Variants in HNF4A observed in about 807,000 individuals in gnomAD.
HNF4A encodes the protein hepatocyte nuclear factor 4 alpha, also known as hepatocyte nuclear factor 4-alpha.
Under a neutral mutation model 52.4 loss-of-function variants are expected in HNF4A, and 15 were observed. The ratio of observed to expected loss-of-function variants is 0.29; its 90% CI spans 0.19 to 0.44. The LOEUF (loss-of-function observed/expected upper bound fraction) is 0.44, where lower values mean the gene tolerates loss of function less well. HNF4A is among the 20% of genes least tolerant of loss of function. The pLI is 1.00. For missense variants in HNF4A, 479 were observed against 647.2 expected (o/e 0.74, Z 2.82); for synonymous variants, 280 against 264.4 (o/e 1.06, Z -0.57).
At chr20:44,403,095 A>G (rs1048659353) in intron 1 of HNF4A, among the ~76,000 whole-genome samples, 1 of 152,156 alleles carries the variant, frequency 6.6e-6, no homozygotes, top group Non-Finnish European at 1.5e-5. Flanking sequence ...CACTAGGTGG[A>G]GTGTTGTGTG....
At chr20:44,422,313 T>G (rs2063757710) in intron 7 of HNF4A, among the ~76,000 whole-genome samples, 1 of 152,152 alleles carries the variant, frequency 6.6e-6, no homozygotes, top group South Asian at 2.1e-4. Flanking sequence ...GAAGGATCAC[T>G]GATGCTGAGT....
In HNF4A at chr20:44,430,589, G is replaced by C. The variant is rs2063866675; in HGVS notation, c.*924G>C. 1 of 152,400 alleles carries C rather than the reference G, an allele frequency of 6.6e-6. No individual in the cohort carries two copies. The allele number at this position is 152,400 out of a possible 1,614,324, so 9.4% of individuals were successfully genotyped here. A position where few individuals can be genotyped will look rare whatever the true frequency, so the allele number is the denominator to read the frequency against. On this transcript the variant is annotated 3_prime_UTR_variant, in exon 10 of 10. Transcript: ENST00000316099. ...AAGGCCTAGTGGTAGTAAGAATCTA[G>C]CAAGAATTGAGGAAGAATGGTGTGG...
intron 5 of HNF4A, among the ~76,000 whole-genome samples, chr20:44,418,116 A>T (rs546566810): frequency 6.6e-6 from 1 of 152,184 alleles, no homozygotes; most frequent in Admixed American, 6.5e-5. Context: ...AAAGAAAAAA[A>T]AAGCACACAG....
At chr20:44,387,528 TA>T (rs948508290) in intron 1 of HNF4A, among the ~76,000 whole-genome samples, 3 of 150,408 alleles carry the variant, frequency 2.0e-5, no homozygotes, top group African/African-American at 7.4e-5. Flanking sequence ...TAGGAAGTCA[TA>T]AAAATTTAAG....
chr20:44,405,584 G>A (rs1318454717), intron 1 of HNF4A, among the ~76,000 whole-genome samples: 1 of 152,114 alleles, frequency 6.6e-6, no homozygotes, highest in Non-Finnish European at 1.5e-5. Context: ...GACTGTTCTC[G>A]GCCCAAGTCT....
chr20:44,421,979 T>A (rs1229724523), intron 7 of HNF4A, among the ~76,000 whole-genome samples: 2 of 151,584 alleles, frequency 1.3e-5, no homozygotes, highest in African/African-American at 4.8e-5. Context: ...TTAAACACTT[T>A]ATGTGGATTG....
At chr20:44,423,974 G>A in intron 7 of HNF4A, 44 bp from the exon 8 acceptor site, 1 of 1,599,234 alleles carries the variant, frequency 6.3e-7, no homozygotes. Context: ...AGATGCTCCA[G>A]CTGGACCCTG....
At position 44,432,646 on chromosome 20, in the gene HNF4A, CA is replaced by C. The variant is rs2063892244; in HGVS notation, c.*2983del. On this transcript the variant is annotated 3_prime_UTR_variant, in exon 10 of 10. Coordinates refer to ENST00000316099, the MANE Select transcript of HNF4A (RefSeq NM_000457.6). ...TTAAGATGAATTGTGAAATTTACAT[CA>C]AGCAATTATCAAAGCGGGCTGGGTC... The C allele has an allele frequency of 6.6e-6, 1 of 152,108 alleles. No homozygotes were observed. The highest frequency in any genetic ancestry group is 2.1e-4 in the South Asian group (1 of 4,820). 9.4% of individuals were successfully genotyped at this position (152,108 alleles called of 1,614,324 possible).
At chr20:44,416,194 C>T (rs2063662164) in intron 5 of HNF4A, among the ~76,000 whole-genome samples, 1 of 152,206 alleles carries the variant, frequency 6.6e-6, no homozygotes, top group Admixed American at 6.5e-5. Context: ...CAGAAGGGTT[C>T]CCAGCTCCCC....
At position 44,386,802 on chromosome 20, in the gene HNF4A, A is replaced by T. The variant is rs2063229927; in HGVS notation, c.50-19256A>T. 2.0e-5 allele frequency among the ~76,000 whole-genome samples: 3 copies of T among 152,240 alleles called. No individual in the cohort carries two copies. In the South Asian group the frequency reaches 6.2e-4, roughly 32 times the overall value. On this transcript the variant is annotated intron_variant, in intron 1 of 9. Transcript: ENST00000316673. ...CAAGAAACCCTGGTTAGCCATTAAG[A>T]GTTTGAACCTTTCTAAATGTTGGAG...
upstream of HNF4A, among the ~76,000 whole-genome samples, chr20:44,398,536 G>A (rs932540364): frequency 3.3e-5 from 5 of 152,192 alleles, no homozygotes; most frequent in East Asian, 1.9e-4. Context: ...ACTGTTTGGC[G>A]TTGGCTAAGG....
At chr20:44,375,436 T>A (rs555339176) in intron 1 of HNF4A, among the ~76,000 whole-genome samples, 23 of 152,236 alleles carry the variant, frequency 1.5e-4, no homozygotes, top group African/African-American at 5.5e-4. Flanking sequence ...CAATTTTTGG[T>A]TTTGTTGCGA....
intron 1 of HNF4A, among the ~76,000 whole-genome samples, chr20:44,379,028 T>C (rs1456956837): frequency 6.6e-6 from 1 of 152,146 alleles, no homozygotes; most frequent in Non-Finnish European, 1.5e-5. Flanking sequence ...TACTTTCCTG[T>C]AGGCTAGTGG....
At chr20:44,389,626 C>G (rs1219679773) in intron 1 of HNF4A, 1 of 152,190 alleles carries the variant, frequency 6.6e-6, no homozygotes, top group Non-Finnish European at 1.5e-5. Flanking sequence ...TTTCGATGGA[C>G]GATTTCCATC....
At chr20:44,381,117 C>T (rs1032147310) in intron 1 of HNF4A, among the ~76,000 whole-genome samples, 1 of 152,176 alleles carries the variant, frequency 6.6e-6, no homozygotes, top group East Asian at 1.9e-4. Context: ...GGGCTTAATA[C>T]TTCCAATGAC....
chr20:44,381,564 T>A (rs2063154197), intron 1 of HNF4A, among the ~76,000 whole-genome samples: 2 of 152,122 alleles, frequency 1.3e-5, no homozygotes, highest in Non-Finnish European at 2.9e-5. Flanking sequence ...ATTACAGGCG[T>A]GAGCCACTTC....
At chr20:44,417,691 G>A (rs1163191343) in intron 5 of HNF4A, among the ~76,000 whole-genome samples, 1 of 152,110 alleles carries the variant, frequency 6.6e-6, no homozygotes, top group Non-Finnish European at 1.5e-5. Context: ...TGTATTTTCA[G>A]GCCGGGCGCA....
intron 1 of HNF4A, among the ~76,000 whole-genome samples, chr20:44,361,834 T>C (rs2062920729): frequency 6.6e-6 from 1 of 152,090 alleles, no homozygotes; most frequent in Non-Finnish European, 1.5e-5. Flanking sequence ...CACTGTGGGA[T>C]ACAGAGGGAC....
At chr20:44,387,665 G>T (rs1374743897) in intron 1 of HNF4A, among the ~76,000 whole-genome samples, 1 of 93,664 alleles carries the variant, frequency 1.1e-5, no homozygotes, top group African/African-American at 3.5e-5. Context: ...CGGGGGGGGG[G>T]GGAGGCGGGG....
Sources: gnomAD v4.1 joint callset for allele counts (sites outside exome capture counted in the v4.1 genomes callset) on GRCh38, gnomAD v4.1.1 for gene constraint, MANE v1.5 for transcripts, NCBI Gene and HGNC (gene_info 2026-07-23, HGNC 2026-07-21) for gene names.